TSPAN18: variants seen among roughly 807,000 people sequenced by gnomAD.
TSPAN18 encodes the protein tetraspanin 18.
In TSPAN18, 14 loss-of-function variants were observed where a neutral mutation model predicts 27.3. The observed-to-expected ratio is 0.51, with a 90% CI of 0.34 to 0.80. The LOEUF is 0.80. Ranked by LOEUF, TSPAN18 falls within the 30% of genes least tolerant of loss-of-function variation. The probability of loss-of-function intolerance (pLI) is 0.01; values close to 1 mark genes in which losing one functional copy is unlikely to be tolerated. For missense variants in TSPAN18, 268 were observed against 323.9 expected (o/e 0.83, Z 1.32); for synonymous variants, 143 against 136.5 (o/e 1.05, Z -0.33).
intron 3 of TSPAN18, among the ~76,000 whole-genome samples, chr11:44,863,770 ATAAG>A (rs1857959013): frequency 8.4e-6 from 1 of 119,354 alleles, no homozygotes; most frequent in Admixed American, 9.6e-5. Flanking sequence ...CAGTATTCTT[ATAAG>A]TAAGTTAGAG....
At chr11:44,786,086 A>T (rs1438900133) in intron 2 of TSPAN18, among the ~76,000 whole-genome samples, 1 of 152,258 alleles carries the variant, frequency 6.6e-6, no homozygotes, top group African/African-American at 2.4e-5. Context: ...TCAGTAGGAC[A>T]GGTGAGATGA....
intron 2 of TSPAN18, among the ~76,000 whole-genome samples, chr11:44,843,934 A>G (rs1857428395): frequency 6.6e-6 from 1 of 152,206 alleles, no homozygotes; most frequent in South Asian, 2.1e-4. Context: ...TATGTAGTTA[A>G]CGCAATTATT....
At chr11:44,760,580 CAT>C (rs892358624) in intron 1 of TSPAN18, among the ~76,000 whole-genome samples, 2 of 152,168 alleles carry the variant, frequency 1.3e-5, no homozygotes, top group Non-Finnish European at 2.9e-5. Context: ...CATCAGGAGA[CAT>C]ATTAAAGTTT....
intron 2 of TSPAN18, among the ~76,000 whole-genome samples, chr11:44,791,646 C>T (rs1856225321): frequency 6.6e-6 from 1 of 152,248 alleles, no homozygotes; most frequent in Non-Finnish European, 1.5e-5. Flanking sequence ...TGTCCCCAGG[C>T]TCCAGGGAAC....
intron 8 of TSPAN18, among the ~76,000 whole-genome samples, chr11:44,924,035 C>T (rs1860247076): frequency 6.6e-6 from 1 of 151,954 alleles, no homozygotes; most frequent in Non-Finnish European, 1.5e-5. Context: ...CCGGGTGAGG[C>T]ATGTCAAAGT....
At chr11:44,858,285 G>A (rs941651823) in intron 2 of TSPAN18, among the ~76,000 whole-genome samples, 3 of 152,148 alleles carry the variant, frequency 2.0e-5, no homozygotes, top group East Asian at 1.9e-4. Context: ...ACAGCACCCT[G>A]CTACCATCTC....
intron 3 of TSPAN18, among the ~76,000 whole-genome samples, chr11:44,888,981 G>A (rs188647394): frequency 2.0e-5 from 3 of 152,300 alleles, no homozygotes; most frequent in African/African-American, 4.8e-5. Context: ...GAATTCTCAC[G>A]GGATCTAATG....
chr11:44,903,989 T>C (rs574646630), intron 3 of TSPAN18: 1 of 401,902 alleles, frequency 2.5e-6, no homozygotes, highest in South Asian at 1.8e-5. Context: ...AAATGCTCAA[T>C]AAATAGTATT....
intron 2 of TSPAN18, among the ~76,000 whole-genome samples, chr11:44,851,619 C>CCT: frequency 1.4e-5 from 2 of 147,896 alleles, no homozygotes; most frequent in East Asian, 3.9e-4. Flanking sequence ...GTCACCTCCC[C>CCT]CCCCCAACGG....
intron 2 of TSPAN18, among the ~76,000 whole-genome samples, chr11:44,837,469 A>G (rs1175107097): frequency 1.8e-4 from 28 of 152,240 alleles, no homozygotes; most frequent in Admixed American, 1.8e-3. Context: ...TGCTTTAAAC[A>G]TTGTTAAAAT....
rs370411440 is a variant in TSPAN18 at position 44,742,261 on chromosome 11, T to C, written c.-240+14974T>C. Among the ~76,000 whole-genome samples, 99 of 139,044 alleles carry C rather than the reference T, an allele frequency of 7.1e-4. No individual in the cohort carries two copies. In the East Asian group the frequency reaches 0.02, roughly 28 times the overall value. 91.2% of individuals were successfully genotyped at this position (139,044 alleles called of 152,430 possible). ...GCCTGCCTCACCCCTCCCCTCCCCT[T>C]CCCTTCCCTTTTTCCCTTCCTTCTT... On this transcript the variant is annotated intron_variant, in intron 1 of 9. Transcript: ENST00000520358.
intron 2 of TSPAN18, among the ~76,000 whole-genome samples, chr11:44,817,397 G>T (rs1856837748): frequency 6.6e-6 from 1 of 152,268 alleles, no homozygotes; most frequent in Non-Finnish European, 1.5e-5. Flanking sequence ...CCTGGCCCTA[G>T]GCTTTCGGCT....
rs1054789981 is a variant in TSPAN18 at position 44,931,235 on chromosome 11, C to A, written c.*2057C>A. On this transcript the variant is annotated 3_prime_UTR_variant, in exon 10 of 10. Coordinates refer to ENST00000520358, the MANE Select transcript of TSPAN18 (RefSeq NM_130783.5). ...CCTGCCACTGGTACCGCGGCCCAGC[C>A]TGGGGCCTGGGGGCTGCCCCTCTTG... is the stretch of plus-strand genomic sequence containing the variant. 5 of 297,906 alleles carry A rather than the reference C, an allele frequency of 1.7e-5. No individual in the cohort carries two copies. The highest frequency in any genetic ancestry group is 2.0e-5 in the Non-Finnish European group (3 of 150,278). 18.5% of individuals were successfully genotyped at this position (297,906 alleles called of 1,614,324 possible).
intron 2 of TSPAN18, among the ~76,000 whole-genome samples, chr11:44,826,720 G>T (rs547074317): frequency 6.6e-6 from 1 of 152,180 alleles, no homozygotes; most frequent in Non-Finnish European, 1.5e-5. Flanking sequence ...AGCTCTTTAC[G>T]CTGCAGGCCT....
chr11:44,839,855 C>T (rs528557840), intron 2 of TSPAN18, among the ~76,000 whole-genome samples: 5 of 152,246 alleles, frequency 3.3e-5, no homozygotes, highest in Admixed American at 3.3e-4. Context: ...TGTTGATTCC[C>T]CGGTGCTCCC....
chr11:44,890,446 G>A (rs1052666044), intron 3 of TSPAN18, among the ~76,000 whole-genome samples: 2 of 151,914 alleles, frequency 1.3e-5, no homozygotes, highest in South Asian at 2.1e-4. Context: ...TTTCTTGGCC[G>A]GGAGCAATGG....
chr11:44,887,995 C>T (rs1406898166), intron 3 of TSPAN18, among the ~76,000 whole-genome samples: 1 of 152,124 alleles, frequency 6.6e-6, no homozygotes, highest in Non-Finnish European at 1.5e-5. Context: ...AGCTCCAGGC[C>T]CTGGTGGGGA....
Position 44,868,474 on chromosome 11 carries a change from C to T in TSPAN18, c.-11+8005C>T, listed in dbSNP as rs1315626465. 2.0e-5 allele frequency among the ~76,000 whole-genome samples: 3 copies of T among 152,088 alleles called. No homozygotes were observed. In the East Asian group the frequency reaches 5.8e-4, roughly 29 times the overall value. Reference sequence around the variant, plus strand: ...TATGGGTGTGGAGGGCACCTGGCCTCCCCACCTCAGTACTGGCGTTGGGAG... The same window carrying T: ...TATGGGTGTGGAGGGCACCTGGCCTTCCCACCTCAGTACTGGCGTTGGGAG... On this transcript the variant is annotated intron_variant, in intron 3 of 9. Coordinates refer to ENST00000520358, the MANE Select transcript of TSPAN18 (RefSeq NM_130783.5).
chr11:44,851,667 A>G (rs1857609780), intron 2 of TSPAN18, among the ~76,000 whole-genome samples: 1 of 143,898 alleles, frequency 6.9e-6, no homozygotes, highest in Non-Finnish European at 1.5e-5. Flanking sequence ...CTCTTCTCAT[A>G]CATCTGCCAA....
Sources: gnomAD v4.1 joint callset for allele counts (sites outside exome capture counted in the v4.1 genomes callset) on GRCh38, gnomAD v4.1.1 for gene constraint, MANE v1.5 for transcripts, NCBI Gene and HGNC (gene_info 2026-07-23, HGNC 2026-07-21) for gene names.